The following UBN2 variants were observed in gnomAD, a reference collection of about 807,000 sequenced individuals.
The protein encoded by UBN2 is ubinuclein 2, also known as ubinuclein-2.
Under a neutral mutation model 120.2 loss-of-function variants are expected in UBN2, and 35 were observed. The ratio of observed to expected loss-of-function variants is 0.29; its 90% CI spans 0.22 to 0.39. The LOEUF is 0.39. UBN2 is among the 10% of genes least tolerant of loss of function. UBN2 has a pLI of 1.00. For synonymous variants in UBN2, 661 were observed against 648.7 expected (o/e 1.02, Z -0.29); for missense variants, 1,693 against 1,663.2 (o/e 1.02, Z -0.31).
At chr7:139,266,192 A>T (rs1245388829) in intron 6 of UBN2, 141 bp from the exon 7 acceptor site, 2 of 492,934 alleles carry the variant, frequency 4.1e-6, no homozygotes, top group Non-Finnish European at 7.3e-6. Flanking sequence ...CAGAAGTTTG[A>T]TACCAACCTG....
intron 8 of UBN2, among the ~76,000 whole-genome samples, chr7:139,270,945 T>C (rs1797254272): frequency 1.3e-5 from 2 of 151,970 alleles, no homozygotes; most frequent in African/African-American, 4.8e-5. Flanking sequence ...GATTTCTCCA[T>C]GTTTAGTAGA....
In UBN2 at chr7:139,259,153, C is replaced by T. The variant is rs1451666755; in HGVS notation, c.802-114C>T. The T allele has an allele frequency of 1.2e-5, 17 of 1,450,452 alleles. No individual in the cohort carries two copies. In the East Asian group the frequency reaches 2.4e-4, roughly 21 times the overall value. The allele number at this position is 1,450,452 out of a possible 1,614,324, so 89.8% of individuals were successfully genotyped here. ...CCCAAGGATCTGCAGTTATAACAAA[C>T]GATTGTAATGCACACTGACATTTGA... On this transcript the variant is annotated intron_variant, in intron 4 of 17. Transcript: ENST00000473989.
chr7:139,237,053 A>G lies in UBN2; in HGVS notation c.517A>G (p.Arg173Gly), dbSNP rs184033058. ...EDPFNDEHQE[R>G]QEVEMLAKKF... The stretch of plus-strand genomic sequence containing the variant: ...CCCATTTAATGATGAACATCAGGAG[A>G]GGCAAGAGGTGGAAATGTTGGCTAA... Residue 173 changes from arginine (R) to glycine (G), a missense_variant, in exon 2 of 18, where the codon AGG becomes GGG. Transcript: ENST00000473989. The G allele has an allele frequency of 6.2e-7, 1 of 1,611,430 alleles. No individual in the cohort carries two copies. Among genetic ancestry groups the G allele is most frequent in the South Asian group, 1.1e-5 (1 of 90,982 alleles).
At chr7:139,248,339 A>T (rs1796529595) in intron 2 of UBN2, among the ~76,000 whole-genome samples, 1 of 152,180 alleles carries the variant, frequency 6.6e-6, no homozygotes, top group Non-Finnish European at 1.5e-5. Context: ...GTCTCATGGC[A>T]GATGCTTTCA....
In UBN2 at chr7:139,283,738, G is replaced by A; in HGVS notation, c.2833G>A (p.Ala945Thr). 2 of 1,613,654 alleles carry A rather than the reference G, an allele frequency of 1.2e-6. No individual in the cohort carries two copies. The highest frequency in any genetic ancestry group is 8.5e-7 in the Non-Finnish European group (1 of 1,180,012). Residue 945 changes from alanine (A) to threonine (T), a missense_variant, in exon 15 of 18, where the codon GCC becomes ACC. Physicochemically the swap from Ala to Thr is moderately conservative, Grantham distance 58. Around this residue, in one of 5 missense-constraint regions of UBN2, gnomAD observed 837 missense variants for 817.6 expected, o/e 1.02. Transcript: ENST00000473989. ...GCAGAACTATGTGTCTCCATTACAG[G>A]CCACCATCAGTAAATCCCAGACCAA... ...VQQNYVSPLQATISKSQTNPV... is the reference protein window; with the variant it reads ...VQQNYVSPLQTTISKSQTNPV...
chr7:139,288,273 A>G (rs1797846961), intron 15 of UBN2, among the ~76,000 whole-genome samples: 2 of 152,210 alleles, frequency 1.3e-5, no homozygotes, highest in South Asian at 4.1e-4. Context: ...AAAAAATTGT[A>G]GGATAATATG....
Position 139,284,137 on chromosome 7 carries a change from A to G in UBN2, c.3232A>G (p.Lys1078Glu), listed in dbSNP as rs775802615. Reference sequence around the variant, plus strand: ...TTCAGTATCAACTAAACTTATTTCTAAATCCAACCCAACTCCCAAGCCTAC... The same window carrying G: ...TTCAGTATCAACTAAACTTATTTCTGAATCCAACCCAACTCCCAAGCCTAC... ...KPSVSTKLIS[K>E]SNPTPKPTVS... The change falls in exon 15 of 18, where the codon AAA becomes GAA. Residue 1078 changes from lysine to glutamate, a missense_variant. Around this residue, in one of 5 missense-constraint regions of UBN2, gnomAD observed 837 missense variants for 817.6 expected, o/e 1.02. Coordinates refer to ENST00000473989, the MANE Select transcript of UBN2 (RefSeq NM_173569.4). 6.2e-6 allele frequency: 10 copies of G among 1,613,940 alleles called. No individual in the cohort carries two copies. The highest frequency in any genetic ancestry group is 8.5e-6 in the Non-Finnish European group (10 of 1,180,026).
chr7:139,276,319 C>T (rs2131018615), intron 12 of UBN2, 172 bp downstream of exon 12: 1 of 640,386 alleles, frequency 1.6e-6, no homozygotes, highest in East Asian at 3.0e-5. Context: ...TCAGGGTACT[C>T]TCTAAACACC....
the UBN2 span, among the ~76,000 whole-genome samples, chr7:139,314,617 C>A: frequency 6.6e-6 from 1 of 151,886 alleles, no homozygotes; most frequent in Non-Finnish European, 1.5e-5. Flanking sequence ...TCCCAAGTAG[C>A]TGGAATTATA....
At chr7:139,244,844 C>G (rs969902203) in intron 2 of UBN2, among the ~76,000 whole-genome samples, 7 of 152,034 alleles carry the variant, frequency 4.6e-5, no homozygotes, top group Non-Finnish European at 1.0e-4. Flanking sequence ...TTGATAGCAC[C>G]TTTTCGTGAA....
intron 2 of UBN2, among the ~76,000 whole-genome samples, chr7:139,246,505 T>C (rs1038716062): frequency 6.6e-6 from 1 of 152,206 alleles, no homozygotes; most frequent in African/African-American, 2.4e-5. Context: ...CAAAGATTTA[T>C]GGGGAGAGAC....
At position 139,248,525 on chromosome 7, in the gene UBN2, G is replaced by A. The variant is rs1796533101; in HGVS notation, c.562-3431G>A. On this transcript the variant is annotated intron_variant, in intron 2 of 17. Transcript: ENST00000473989. ...ATATCTTACTTTAATCTCATTTATT[G>A]ATCATTTTCCATTGAGTTGTAATGC... Among the ~76,000 whole-genome samples, 3 of 151,934 alleles carry A rather than the reference G, an allele frequency of 2.0e-5. No homozygotes were observed. The South Asian group carries it at 6.2e-4, about 32-fold the overall frequency.
rs548323665 is a variant in UBN2 at position 139,307,903 on chromosome 7, A to T, written c.*10067A>T. 2 of 152,198 alleles carry T rather than the reference A, an allele frequency of 1.3e-5. No homozygotes were observed. Among genetic ancestry groups the T allele is most frequent in the African/African-American group, 4.8e-5 (2 of 41,458 alleles). The allele number at this position is 152,198 out of a possible 1,614,324, so 9.4% of individuals were successfully genotyped here. A position where few individuals can be genotyped will look rare whatever the true frequency, so the allele number is the denominator to read the frequency against. On this transcript the variant is annotated 3_prime_UTR_variant, in exon 18 of 18. Coordinates refer to ENST00000473989, the MANE Select transcript of UBN2 (RefSeq NM_173569.4). Reference sequence around the variant, plus strand: ...ATTTTTTTAACCAAAAAAAAATCACACATTTCATAAAACCCTGATGAATTT... The same window carrying T: ...ATTTTTTTAACCAAAAAAAAATCACTCATTTCATAAAACCCTGATGAATTT...
In UBN2 at chr7:139,273,309, T is replaced by A; in HGVS notation, c.1728T>A (p.Asp576Glu). 1 of 1,605,826 alleles carries A rather than the reference T, an allele frequency of 6.2e-7. No homozygotes were observed. The highest frequency in any genetic ancestry group is 2.2e-5 in the East Asian group (1 of 44,736). The change falls in exon 10 of 18, where the codon GAT becomes GAA. Residue 576 changes from aspartate to glutamate, a missense_variant. Physicochemically the swap from Asp to Glu is conservative, Grantham distance 45. This residue lies in a region of UBN2 where 178 missense variants were observed against 204.0 expected (regional missense o/e 0.87). Coordinates refer to ENST00000473989, the MANE Select transcript of UBN2 (RefSeq NM_173569.4). ...SQAKCAKLQTDEEREKNGSEE... is the reference protein window; with the variant it reads ...SQAKCAKLQTEEEREKNGSEE... ...TTTTCATTTTTAGATTGCAGACAGA[T>A]GAAGAACGAGAAAAAAATGGATCTG...
At chr7:139,308,890 T>G (rs1264720610), downstream of UBN2, among the ~76,000 whole-genome samples, 2 of 151,982 alleles carry the variant, frequency 1.3e-5, no homozygotes, top group African/African-American at 2.4e-5. Context: ...GCCAACATGG[T>G]GCAACCCCGT....
intron 13 of UBN2, among the ~76,000 whole-genome samples, chr7:139,280,609 CCTCTT>C (rs1797578786): frequency 6.6e-6 from 1 of 151,970 alleles, no homozygotes; most frequent in Non-Finnish European, 1.5e-5. Flanking sequence ...GGTGTTAGAG[CCTCTT>C]TAAATGCAGG....
intron 8 of UBN2, 140 bp downstream of exon 8, chr7:139,269,663 A>G (rs1797203523): frequency 1.1e-6 from 1 of 899,208 alleles, no homozygotes; most frequent in East Asian, 2.8e-5. Context: ...TATTAAAAGT[A>G]TGTTGGATCC....
At chr7:139,233,715 TTTATTATGTCTC>T in intron 1 of UBN2, among the ~76,000 whole-genome samples, 1 of 152,286 alleles carries the variant, frequency 6.6e-6, no homozygotes, top group African/African-American at 2.4e-5. Flanking sequence ...TACAAAGACC[TTTATTATGTCTC>T]TGTTTATGCT....
At chr7:139,268,226 C>A (rs1272891816) in intron 7 of UBN2, among the ~76,000 whole-genome samples, 3 of 152,134 alleles carry the variant, frequency 2.0e-5, no homozygotes, top group Non-Finnish European at 4.4e-5. Context: ...TTTTTTGGAG[C>A]CCATCTGCTT....
Sources: gnomAD v4.1 joint callset for allele counts (sites outside exome capture counted in the v4.1 genomes callset) on GRCh38, gnomAD v4.1.1 for gene constraint, gnomAD v4.1.1 regional missense constraint, MANE v1.5 for transcripts, NCBI Gene and HGNC (gene_info 2026-07-23, HGNC 2026-07-21) for gene names.